Variants in SLC24A2 observed in about 807,000 individuals in gnomAD.
SLC24A2 encodes solute carrier family 24 member 2, also known as sodium/potassium/calcium exchanger 2.
In SLC24A2, 36 loss-of-function variants were observed where a neutral mutation model predicts 62.0. That is an observed-to-expected ratio of 0.58 (90% CI 0.44 to 0.77). SLC24A2 has a LOEUF of 0.77. SLC24A2 is among the 30% of genes least tolerant of loss of function. The probability of loss-of-function intolerance (pLI) is 0.00; values close to 1 mark genes in which losing one functional copy is unlikely to be tolerated. For missense variants in SLC24A2, 846 were observed against 817.9 expected, an observed-to-expected ratio of 1.03 and a Z score of -0.42; for synonymous variants, 358 against 294.0, an observed-to-expected ratio of 1.22 and a Z score of -2.23.
At chr9:19,860,628 C>T in the SLC24A2 span, among the ~76,000 whole-genome samples, 1 of 152,068 alleles carries the variant, frequency 6.6e-6, no homozygotes, top group African/African-American at 2.4e-5. Flanking sequence ...CGATAGAGCA[C>T]CAAGTAGCCA....
chr9:19,873,010 G>A, the SLC24A2 span, among the ~76,000 whole-genome samples: 1 of 152,062 alleles, frequency 6.6e-6, no homozygotes, highest in South Asian at 2.1e-4. Flanking sequence ...AGAAGAAGAA[G>A]AATGATTCAG....
the SLC24A2 span, among the ~76,000 whole-genome samples, chr9:20,256,633 T>C: frequency 8.5e-5 from 13 of 152,282 alleles, no homozygotes; most frequent in East Asian, 9.7e-4. Context: ...TTATAAATGC[T>C]GTGGGATTCC....
chr9:20,301,055 T>A, the SLC24A2 span, among the ~76,000 whole-genome samples: 1 of 152,196 alleles, frequency 6.6e-6, no homozygotes, highest in Non-Finnish European at 1.5e-5. Flanking sequence ...GATTAAAAAC[T>A]GGAGGAGCTC....
chr9:19,868,192 T>C, the SLC24A2 span, among the ~76,000 whole-genome samples: 3 of 152,104 alleles, frequency 2.0e-5, no homozygotes, highest in Non-Finnish European at 4.4e-5. Context: ...AACCCATAAA[T>C]TTTGAAAAAA....
chr9:19,876,794 G>T, the SLC24A2 span, among the ~76,000 whole-genome samples: 11 of 152,094 alleles, frequency 7.2e-5, no homozygotes, highest in Non-Finnish European at 1.5e-4. Context: ...CTTCCACAAG[G>T]GTTGCTAGAA....
chr9:19,737,683 T>G (rs568895129), intron 2 of SLC24A2, among the ~76,000 whole-genome samples: 1 of 152,226 alleles, frequency 6.6e-6, no homozygotes, highest in South Asian at 2.1e-4. Context: ...TTAAAAATGC[T>G]GTTTTTCTAA....
chr9:20,235,441 TC>T, the SLC24A2 span, among the ~76,000 whole-genome samples: 1 of 151,964 alleles, frequency 6.6e-6, no homozygotes, highest in African/African-American at 2.4e-5. Context: ...CAGGTGCCCC[TC>T]CCCCAGCCTC....
the SLC24A2 span, among the ~76,000 whole-genome samples, chr9:19,922,623 A>T: frequency 2.0e-5 from 3 of 152,198 alleles, no homozygotes; most frequent in Non-Finnish European, 4.4e-5. Flanking sequence ...CCTGCTTCAC[A>T]GGAGGGATTG....
chr9:19,650,683 C>G (rs1818774153), intron 2 of SLC24A2, among the ~76,000 whole-genome samples: 1 of 151,918 alleles, frequency 6.6e-6, no homozygotes, highest in Admixed American at 6.6e-5. Flanking sequence ...TTTTCACAGA[C>G]AGCCAGGCCA....
the SLC24A2 span, among the ~76,000 whole-genome samples, chr9:20,285,830 A>C: frequency 2.0e-5 from 3 of 152,202 alleles, no homozygotes; most frequent in African/African-American, 7.2e-5. Context: ...AGAGACACCA[A>C]GGAAGGGCAT....
At chr9:19,716,837 G>A (rs1006621799) in intron 2 of SLC24A2, among the ~76,000 whole-genome samples, 1 of 152,050 alleles carries the variant, frequency 6.6e-6, no homozygotes, top group Admixed American at 6.6e-5. Flanking sequence ...GGCCATATCT[G>A]AATGCTTTCA....
intron 8 of SLC24A2, among the ~76,000 whole-genome samples, chr9:19,532,255 C>G (rs112545646): frequency 6.6e-6 from 1 of 151,960 alleles, no homozygotes; most frequent in Non-Finnish European, 1.5e-5. Flanking sequence ...CCACCATGCC[C>G]GGCTAATTTT....
intron 4 of SLC24A2, among the ~76,000 whole-genome samples, chr9:19,607,911 AAGAG>A (rs919026174): frequency 2.9e-4 from 44 of 152,298 alleles, no homozygotes; most frequent in African/African-American, 9.9e-4. Flanking sequence ...GTACAACACA[AAGAG>A]AGATTCAGTT....
chr9:20,105,723 C>G, the SLC24A2 span, among the ~76,000 whole-genome samples: 280 of 151,966 alleles, frequency 1.8e-3, 2 homozygotes, highest in African/African-American at 6.5e-3. Context: ...ATTTATAGCA[C>G]TAAATGCCCA....
the SLC24A2 span, among the ~76,000 whole-genome samples, chr9:20,131,299 C>G: frequency 6.6e-6 from 1 of 152,106 alleles, no homozygotes; most frequent in African/African-American, 2.4e-5. Flanking sequence ...ATTCCAGGCC[C>G]GTCTGTGTTT....
At chr9:19,774,849 G>A (rs1822797974) in intron 2 of SLC24A2, among the ~76,000 whole-genome samples, 1 of 152,188 alleles carries the variant, frequency 6.6e-6, no homozygotes, top group African/African-American at 2.4e-5. Context: ...AAGGAAATAA[G>A]TTCAGCGATT....
At chr9:19,584,273 TAAA>T (rs5896848) in intron 5 of SLC24A2, among the ~76,000 whole-genome samples, 83,402 of 119,978 alleles carry the variant, frequency 0.7, 28,015 homozygotes, top group South Asian at 0.79. Flanking sequence ...TAGCAAATAG[TAAA>T]AAAAAAAAAA....
chr9:19,516,482 CTAT>C (rs1832935797), intron 10 of SLC24A2, 80 bp from the exon 11 acceptor site: 1 of 1,472,826 alleles, frequency 6.8e-7, no homozygotes, highest in Admixed American at 1.9e-5. Context: ...CAAATATAAC[CTAT>C]TATTACCTTC....
rs575524244 is a variant in SLC24A2 at position 19,541,801 on chromosome 9, C to A, written c.1479+8336G>T. Among the ~76,000 whole-genome samples, 10 of 149,042 alleles carry A rather than the reference C, an allele frequency of 6.7e-5. No individual in the cohort carries two copies. In the East Asian group the frequency reaches 1.4e-3, roughly 21 times the overall value. On this transcript the variant is annotated intron_variant, in intron 8 of 10. Transcript: ENST00000341998. ...TGGGCAATGGCGGGCGCCCCTCCCCCAGCCTCGTTGCCGCCTTGCAGTTTG... is the reference window on the plus strand; with the variant it reads ...TGGGCAATGGCGGGCGCCCCTCCCCAAGCCTCGTTGCCGCCTTGCAGTTTG...
Sources: gnomAD v4.1 joint callset for allele counts (sites outside exome capture counted in the v4.1 genomes callset) on GRCh38, gnomAD v4.1.1 for gene constraint, MANE v1.5 for transcripts, NCBI Gene and HGNC (gene_info 2026-07-23, HGNC 2026-07-21) for gene names.